Variants in PDILT observed in about 807,000 individuals in gnomAD.
The protein encoded by PDILT is protein disulfide-isomerase-like protein of the testis.
Under a neutral mutation model 53.7 loss-of-function variants are expected in PDILT, and 43 were observed. That is an observed-to-expected ratio of 0.80 (90% CI 0.63 to 1.03). The LOEUF (loss-of-function observed/expected upper bound fraction) is 1.03. Ranked by LOEUF, PDILT falls within the 50% of genes least tolerant of loss-of-function variation. The pLI is 0.00. For missense variants in PDILT, 727 were observed against 712.3 expected (o/e 1.02, Z -0.24); for synonymous variants, 282 against 274.2 (o/e 1.03, Z -0.28).
chr16:20,362,466 T>C lies in PDILT; in HGVS notation c.1354A>G (p.Ile452Val), dbSNP rs779958356. ...TACCGGTCCAGGTACATCAGCTGAATGTCATTTGCTGTGACATCGATCTTG... is the reference window on the plus strand; with the variant it reads ...TACCGGTCCAGGTACATCAGCTGAACGTCATTTGCTGTGACATCGATCTTG... ...IAKIDVTAND[I>V]QLMYLDRYPF... Residue 452 changes from isoleucine (I) to valine (V), a missense_variant, in exon 10 of 12, where the codon ATT becomes GTT. Ile to Val is a conservative substitution (Grantham distance 29). Coordinates refer to ENST00000302451, the MANE Select transcript of PDILT (RefSeq NM_174924.2). The C allele has an allele frequency of 1.2e-6, 2 of 1,614,114 alleles. No homozygotes were observed. Among genetic ancestry groups the C allele is most frequent in the African/African-American group, 2.7e-5 (2 of 74,934 alleles).
intron 8 of PDILT, among the ~76,000 whole-genome samples, chr16:20,367,260 AC>A (rs1395733314): frequency 6.6e-6 from 1 of 151,704 alleles, no homozygotes; most frequent in African/African-American, 2.4e-5. Context: ...GTGCCACCAC[AC>A]CCGGCTAATG....
intron 9 of PDILT, among the ~76,000 whole-genome samples, chr16:20,364,146 G>A (rs1442447858): frequency 4.6e-5 from 7 of 152,304 alleles, no homozygotes; most frequent in Admixed American, 2.0e-4. Flanking sequence ...GGCCAATCCC[G>A]TGGCCCTACT....
Position 20,377,898 on chromosome 16 carries a change from G to A in PDILT, c.410-1697C>T, listed in dbSNP as rs138684286. On this transcript the variant is annotated intron_variant, in intron 3 of 11. Coordinates refer to ENST00000302451, the MANE Select transcript of PDILT (RefSeq NM_174924.2). ...GAACCCAGGAGGTGGAGGTTGCAGT[G>A]AGCCAAGTTCGCACCACCGCACTCC... Among the ~76,000 whole-genome samples the A allele has an allele frequency of 3.8e-3, 575 of 152,092 alleles. 5 individuals are homozygous for A. Among genetic ancestry groups the A allele is most frequent in the African/African-American group, 0.013 (554 of 41,468 alleles).
At chr16:20,400,050 C>CTATA (rs1491004751) in intron 1 of PDILT, among the ~76,000 whole-genome samples, 1 of 123,882 alleles carries the variant, frequency 8.1e-6, no homozygotes, top group African/African-American at 3.8e-5. Context: ...ATCTATCTAT[C>CTATA]TATCTATATA....
chr16:20,360,916 A>G (rs1049874770), intron 10 of PDILT, among the ~76,000 whole-genome samples: 2 of 152,338 alleles, frequency 1.3e-5, no homozygotes, highest in Admixed American at 1.3e-4. Context: ...TGGCTGCATT[A>G]CTGCAGTGTG....
chr16:20,374,943 A>G lies in PDILT; in HGVS notation c.560T>C (p.Val187Ala). 6.2e-7 allele frequency: 1 copy of G among 1,610,374 alleles called. No homozygotes were observed. Among genetic ancestry groups the G allele is most frequent in the Non-Finnish European group, 8.5e-7 (1 of 1,178,078 alleles). Residue 187 changes from valine to alanine, a missense_variant, in exon 5 of 12, where the codon GTA becomes GCA. By Grantham distance (64) the Val-to-Ala change is moderately conservative (BLOSUM62 0). Transcript: ENST00000302451. ...VGFFQDLEEE[V>A]AELFYDVIKD... is the part of the protein sequence containing the mutation. ...GATCACATCATAGAACAACTCTGCT[A>G]CTTCTTCCTCTAAATCCTATTTGGG... is the stretch of plus-strand genomic sequence containing the variant.
Position 20,374,833 on chromosome 16 carries a change from C to G in PDILT, c.670G>C (p.Val224Leu). ...GATCAAAATCCTACCTTTTTGAACA[C>G]CAGGACGCTGTCAAGGGTGACGTGG... ...RFHVTLDSVL[V>L]FKKGKIVNRQ... Residue 224 changes from valine (V) to leucine (L), a missense_variant, in exon 5 of 12, where the codon GTG becomes CTG. Val to Leu is a conservative substitution (Grantham distance 32). Transcript: ENST00000302451. The G allele has an allele frequency of 7.4e-6, 12 of 1,613,060 alleles. No homozygotes were observed. The highest frequency in any genetic ancestry group is 1.0e-5 in the Non-Finnish European group (12 of 1,179,598).
chr16:20,369,667 G>C lies in PDILT; in HGVS notation c.941C>G (p.Ala314Gly). The C allele has an allele frequency of 6.2e-7, 1 of 1,614,200 alleles. No homozygotes were observed. Among genetic ancestry groups the C allele is most frequent in the Non-Finnish European group, 8.5e-7 (1 of 1,180,036 alleles). ...QNKILFILVDADEPRNGRVFK... is the reference protein window; with the variant it reads ...QNKILFILVDGDEPRNGRVFK... The stretch of plus-strand genomic sequence containing the variant: ...GACACGTCCATTTCTGGGTTCGTCT[G>C]CATCCACAAGGATGAAAAGGATCTG... The change falls in exon 8 of 12, where the codon GCA becomes GGA. Residue 314 changes from alanine to glycine, a missense_variant. Physicochemically the swap from Ala to Gly is moderately conservative, Grantham distance 60 (BLOSUM62 0). Transcript: ENST00000302451.
At chr16:20,365,070 A>T (rs901809249) in intron 9 of PDILT, among the ~76,000 whole-genome samples, 3 of 152,210 alleles carry the variant, frequency 2.0e-5, no homozygotes, top group African/African-American at 7.2e-5. Flanking sequence ...TTTCAAAAGG[A>T]TGTCGTTAGG....
In PDILT at chr16:20,384,780, C is replaced by A. The variant is rs779933955; in HGVS notation, c.274G>T (p.Gly92Cys). 5 of 1,614,172 alleles carry A rather than the reference C, an allele frequency of 3.1e-6. No individual in the cohort carries two copies. The highest frequency in any genetic ancestry group is 1.3e-5 in the African/African-American group (1 of 75,018). ...LGKAVEIMGK[G>C]KNGIGFGKVD... ...TTGCCAAAGCCGATCCCATTCTTGC[C>A]TTTGCCCATGATCTCCACAGCTTTG... Residue 92 changes from glycine to cysteine, a missense_variant, in exon 3 of 12, where the codon GGC (glycine) becomes TGC (cysteine). Gly to Cys is a radical substitution (Grantham distance 159). Transcript: ENST00000302451.
At chr16:20,396,260 T>C (rs562640889) in intron 2 of PDILT, among the ~76,000 whole-genome samples, 17 of 152,348 alleles carry the variant, frequency 1.1e-4, no homozygotes, top group African/African-American at 3.6e-4. Context: ...ATCCAGTTTA[T>C]GGAAGAACTC....
At chr16:20,400,549 T>G (rs1231969708) in intron 1 of PDILT, among the ~76,000 whole-genome samples, 1 of 151,790 alleles carries the variant, frequency 6.6e-6, no homozygotes, top group Non-Finnish European at 1.5e-5. Context: ...TTGCTCAGGA[T>G]GGGGTCTGGA....
intron 1 of PDILT, among the ~76,000 whole-genome samples, chr16:20,400,875 C>A (rs553069846): frequency 4.6e-5 from 7 of 152,048 alleles, no homozygotes. Context: ...ATGAAATGCA[C>A]AATAATGTCA....
intron 1 of PDILT, among the ~76,000 whole-genome samples, chr16:20,400,140 C>T (rs1280170933): frequency 8.6e-5 from 13 of 151,576 alleles, no homozygotes; most frequent in South Asian, 4.2e-4. Context: ...CACCTCACTG[C>T]GACCTCTGCA....
At chr16:20,375,781 A>C (rs1020857159) in intron 4 of PDILT, among the ~76,000 whole-genome samples, 1 of 149,304 alleles carries the variant, frequency 6.7e-6, no homozygotes, top group African/African-American at 2.6e-5. Context: ...CATAGAGAAC[A>C]ATGGCTCTGA....
chr16:20,396,415 A>G (rs1463594230), intron 2 of PDILT, among the ~76,000 whole-genome samples: 1 of 152,246 alleles, frequency 6.6e-6, no homozygotes, highest in Non-Finnish European at 1.5e-5. Context: ...TTGATTAAAT[A>G]TTGATATCAA....
At chr16:20,361,171 A>G (rs1966094707) in intron 10 of PDILT, among the ~76,000 whole-genome samples, 1 of 149,468 alleles carries the variant, frequency 6.7e-6, no homozygotes, top group Non-Finnish European at 1.5e-5. Flanking sequence ...GTGCTCCATT[A>G]TCACAAGTTC....
Position 20,360,664 on chromosome 16 carries a change from T to A in PDILT, c.1417-7A>T. ...CTCCCTTATACAGGACAGCCTAGGA[T>A]GAAAATGGAACAGGGTCAGGATGGG... On this transcript the variant is annotated splice_polypyrimidine_tract_variant and splice_region_variant and intron_variant, in intron 10 of 11. Transcript: ENST00000302451. The A allele has an allele frequency of 6.2e-7, 1 of 1,603,508 alleles. No homozygotes were observed. Among genetic ancestry groups the A allele is most frequent in the Non-Finnish European group, 8.5e-7 (1 of 1,170,534 alleles).
chr16:20,366,934 T>TC (rs1966200648), intron 8 of PDILT, among the ~76,000 whole-genome samples: 3 of 135,956 alleles, frequency 2.2e-5, no homozygotes, highest in Non-Finnish European at 4.7e-5. Context: ...GAAACCAAAT[T>TC]CTTTCCTTCC....
Sources: allele counts gnomAD v4.1 joint callset (sites outside exome capture counted in the v4.1 genomes callset), GRCh38; gene constraint gnomAD v4.1.1; transcripts MANE v1.5; gene names NCBI Gene and HGNC (gene_info 2026-07-23, HGNC 2026-07-21).